NELL1: variants seen among roughly 807,000 people sequenced by gnomAD.
NELL1 encodes the protein neural EGFL like 1, also known as protein kinase C-binding protein NELL1.
In NELL1, 76 loss-of-function variants were observed where a neutral mutation model predicts 107.4. The ratio of observed to expected loss-of-function variants is 0.71; its 90% CI spans 0.59 to 0.86. The LOEUF (loss-of-function observed/expected upper bound fraction) is 0.86. Ranked by LOEUF, NELL1 falls within the 40% of genes least tolerant of loss-of-function variation. NELL1 has a pLI of 0.00. For synonymous variants in NELL1, 353 were observed against 341.2 expected (o/e 1.03, Z -0.38); for missense variants, 1,024 against 1,005.5 (o/e 1.02, Z -0.25).
chr11:20,893,299 A>T (rs1261141722), intron 5 of NELL1, among the ~76,000 whole-genome samples: 1 of 151,358 alleles, frequency 6.6e-6, no homozygotes, highest in East Asian at 1.9e-4. Context: ...GGATGGATCA[A>T]TGGGTGCAGC....
At chr11:21,292,942 G>T (rs1251069791) in intron 14 of NELL1, among the ~76,000 whole-genome samples, 2 of 151,966 alleles carry the variant, frequency 1.3e-5, no homozygotes, top group Non-Finnish European at 2.9e-5. Context: ...TGGATTAAAG[G>T]CTTAAATATA....
At chr11:21,230,905 A>G (rs1858030945) in intron 14 of NELL1, among the ~76,000 whole-genome samples, 1 of 152,150 alleles carries the variant, frequency 6.6e-6, no homozygotes, top group Non-Finnish European at 1.5e-5. Flanking sequence ...AATTTATTCT[A>G]AAAAAGCACA....
At chr11:21,478,935 A>G (rs1176270703) in intron 15 of NELL1, among the ~76,000 whole-genome samples, 2 of 152,150 alleles carry the variant, frequency 1.3e-5, no homozygotes, top group African/African-American at 2.4e-5. Context: ...ACAGGCATGT[A>G]AAAAGGTGCT....
chr11:21,469,062 C>T (rs1447023210), intron 15 of NELL1, among the ~76,000 whole-genome samples: 1 of 151,912 alleles, frequency 6.6e-6, no homozygotes, highest in Non-Finnish European at 1.5e-5. Flanking sequence ...GCAAGAAGAA[C>T]AGACATATCC....
At chr11:21,293,731 C>A (rs1273663306) in intron 14 of NELL1, among the ~76,000 whole-genome samples, 1 of 152,130 alleles carries the variant, frequency 6.6e-6, no homozygotes, top group Non-Finnish European at 1.5e-5. Flanking sequence ...CACATACACA[C>A]CATGGAATAC....
intron 12 of NELL1, among the ~76,000 whole-genome samples, chr11:20,977,953 G>A (rs1441663224): frequency 1.3e-5 from 2 of 152,204 alleles, no homozygotes; most frequent in Non-Finnish European, 2.9e-5. Context: ...AAAGTTGAGA[G>A]ACTTGCCTGA....
At chr11:20,904,135 C>T (rs756962214) in intron 5 of NELL1, among the ~76,000 whole-genome samples, 5 of 151,942 alleles carry the variant, frequency 3.3e-5, no homozygotes, top group African/African-American at 4.8e-5. Context: ...GTGCAGCGCA[C>T]CAGCATGGCA....
At chr11:21,195,134 G>T (rs971484208) in intron 13 of NELL1, among the ~76,000 whole-genome samples, 3 of 152,068 alleles carry the variant, frequency 2.0e-5, no homozygotes, top group African/African-American at 7.2e-5. Context: ...AATTGTCTAT[G>T]GGAAAGGTCC....
chr11:20,881,450 C>T lies in NELL1; in HGVS notation c.507-3994C>T, dbSNP rs536624696. ...TATAGGATCTGATTTCAAATCCCAG[C>T]GGTGTCACTCACAAGCTGCTTAACC... is the stretch of plus-strand genomic sequence containing the variant. On this transcript the variant is annotated intron_variant, in intron 4 of 19. Coordinates refer to ENST00000357134, the MANE Select transcript of NELL1 (RefSeq NM_006157.5). 6.6e-5 allele frequency among the ~76,000 whole-genome samples: 10 copies of T among 152,248 alleles called. 1 individual carries two copies. Among genetic ancestry groups the T allele is most frequent in the Admixed American group, 1.3e-4 (2 of 15,296 alleles).
At chr11:20,903,683 G>A (rs1448354723) in intron 5 of NELL1, among the ~76,000 whole-genome samples, 1 of 152,062 alleles carries the variant, frequency 6.6e-6, no homozygotes, top group Non-Finnish European at 1.5e-5. Context: ...ACTTTAGATT[G>A]CATACAAATA....
intron 15 of NELL1, among the ~76,000 whole-genome samples, chr11:21,440,124 G>C (rs138585844): frequency 4.5e-4 from 68 of 152,098 alleles, no homozygotes; most frequent in Non-Finnish European, 9.1e-4. Context: ...CCAGGATCAG[G>C]GTTCTGAATC....
intron 14 of NELL1, among the ~76,000 whole-genome samples, chr11:21,349,427 G>A (rs1850753668): frequency 6.6e-6 from 1 of 152,146 alleles, no homozygotes; most frequent in Non-Finnish European, 1.5e-5. Context: ...CTCAGGGAAT[G>A]TACTGCATTC....
chr11:21,264,901 T>A (rs915415930), intron 14 of NELL1, among the ~76,000 whole-genome samples: 7 of 151,928 alleles, frequency 4.6e-5, no homozygotes, highest in African/African-American at 1.7e-4. Context: ...TAGAGAGCAG[T>A]TGAAGAAAAA....
At chr11:20,960,965 C>T (rs547259807) in intron 12 of NELL1, among the ~76,000 whole-genome samples, 1 of 152,186 alleles carries the variant, frequency 6.6e-6, no homozygotes, top group Non-Finnish European at 1.5e-5. Flanking sequence ...TTAACTCATA[C>T]TAGGCTGCTG....
intron 5 of NELL1, among the ~76,000 whole-genome samples, chr11:20,896,062 T>C (rs1325654071): frequency 6.6e-6 from 1 of 152,162 alleles, no homozygotes; most frequent in East Asian, 1.9e-4. Context: ...TGGTGATTTG[T>C]GAGATTTTTG....
intron 15 of NELL1, among the ~76,000 whole-genome samples, chr11:21,503,644 T>C (rs545573770): frequency 6.6e-6 from 1 of 152,312 alleles, no homozygotes; most frequent in South Asian, 2.1e-4. Flanking sequence ...CAGCTCTAGG[T>C]AATAGGTAAT....
At chr11:20,712,779 G>A (rs950704006) in intron 2 of NELL1, among the ~76,000 whole-genome samples, 1 of 152,178 alleles carries the variant, frequency 6.6e-6, no homozygotes, top group African/African-American at 2.4e-5. Context: ...GGGCTACCAG[G>A]CTCTAGGCTG....
At chr11:21,495,557 A>G (rs185997977) in intron 15 of NELL1, among the ~76,000 whole-genome samples, 2,555 of 152,180 alleles carry the variant, frequency 0.017, 39 homozygotes, top group South Asian at 0.038. Flanking sequence ...CCGTAATTCT[A>G]TTTTTAACTT....
chr11:21,019,469 C>T (rs191021812), intron 12 of NELL1, among the ~76,000 whole-genome samples: 4 of 151,976 alleles, frequency 2.6e-5, no homozygotes, highest in African/African-American at 7.2e-5. Flanking sequence ...CTGCACTCTG[C>T]GAGGCATTCT....
Sources: gnomAD v4.1 joint callset for allele counts (sites outside exome capture counted in the v4.1 genomes callset) on GRCh38, gnomAD v4.1.1 for gene constraint, MANE v1.5 for transcripts, NCBI Gene and HGNC (gene_info 2026-07-23, HGNC 2026-07-21) for gene names.